RBFOX1: variants seen among roughly 807,000 people sequenced by gnomAD.
RBFOX1 encodes RNA binding protein fox-1 homolog 1.
RBFOX1 carries 8 observed loss-of-function variants against 57.7 expected under a neutral mutation model. The observed-to-expected ratio is 0.14, with a 90% confidence interval of 0.08 to 0.25. RBFOX1 has a LOEUF of 0.25. RBFOX1 is among the 10% of genes least tolerant of loss of function. The pLI is 1.00. For missense variants in RBFOX1, 611 were observed against 548.5 expected (o/e 1.11, Z -1.14); for synonymous variants, 326 against 222.4 (o/e 1.47, Z -4.15).
At chr16:7,230,428 C>G (rs559617999) in intron 4 of RBFOX1, among the ~76,000 whole-genome samples, 2 of 152,264 alleles carry the variant, frequency 1.3e-5, no homozygotes, top group East Asian at 3.9e-4. Flanking sequence ...CTGCCTGCCT[C>G]TAAATCCCAC....
At chr16:5,393,046 C>G (rs781550208) in intron 1 of RBFOX1, among the ~76,000 whole-genome samples, 8 of 152,076 alleles carry the variant, frequency 5.3e-5, no homozygotes, top group Non-Finnish European at 1.0e-4. Flanking sequence ...AAAAGACCTC[C>G]GAGCATGGGA....
intron 3 of RBFOX1, among the ~76,000 whole-genome samples, chr16:7,007,617 A>C (rs66469366): frequency 6.6e-6 from 1 of 152,086 alleles, no homozygotes; most frequent in Non-Finnish European, 1.5e-5. Context: ...TGTTTTAGTC[A>C]TTCTTTCAAT....
intron 3 of RBFOX1, among the ~76,000 whole-genome samples, chr16:7,030,255 A>T (rs1271136774): frequency 6.6e-6 from 1 of 152,162 alleles, no homozygotes; most frequent in Non-Finnish European, 1.5e-5. Context: ...GATGGAGTGG[A>T]GTGCCTCTGT....
At chr16:5,417,422 C>T (rs921813882) in intron 1 of RBFOX1, among the ~76,000 whole-genome samples, 23 of 152,278 alleles carry the variant, frequency 1.5e-4, no homozygotes, top group African/African-American at 5.5e-4. Context: ...GAGTAGAAAG[C>T]ACATTTCTGC....
At chr16:7,061,600 T>C (rs983594877) in intron 4 of RBFOX1, among the ~76,000 whole-genome samples, 6 of 152,210 alleles carry the variant, frequency 3.9e-5, no homozygotes, top group African/African-American at 1.4e-4. Context: ...TTAGGATATT[T>C]GGCCTAATAT....
At chr16:5,772,631 C>T (rs1008304196) in intron 3 of RBFOX1, among the ~76,000 whole-genome samples, 7 of 152,040 alleles carry the variant, frequency 4.6e-5, no homozygotes, top group African/African-American at 7.2e-5. Context: ...AGGATGGTGG[C>T]GGTGATCTAT....
chr16:5,940,970 C>T (rs1273944057), intron 4 of RBFOX1, among the ~76,000 whole-genome samples: 1 of 152,158 alleles, frequency 6.6e-6, no homozygotes, highest in Non-Finnish European at 1.5e-5. Context: ...ATTGAATGAC[C>T]TTCTGAGTCT....
At position 6,988,312 on chromosome 16, in the gene RBFOX1, T is replaced by A. The variant is rs138640642; in HGVS notation, c.-15-63745T>A. On this transcript the variant is annotated intron_variant, in intron 3 of 15. Transcript: ENST00000550418. Reference sequence around the variant, plus strand: ...TAGAGCAGTGTAGTCTATTGGAGTTTCCTGTGATGATGAAAGTGTTTATAA... The same window carrying A: ...TAGAGCAGTGTAGTCTATTGGAGTTACCTGTGATGATGAAAGTGTTTATAA... Among the ~76,000 whole-genome samples the A allele has an allele frequency of 4.1e-3, 630 of 152,266 alleles. 4 individuals are homozygous for A. The highest frequency in any genetic ancestry group is 7.7e-3 in the Non-Finnish European group (526 of 68,006).
At chr16:5,569,844 T>C (rs1046794620) in intron 2 of RBFOX1, among the ~76,000 whole-genome samples, 1 of 152,136 alleles carries the variant, frequency 6.6e-6, no homozygotes, top group Admixed American at 6.5e-5. Context: ...TCTTCCTCTT[T>C]GGATAGTTTA....
intron 4 of RBFOX1, among the ~76,000 whole-genome samples, chr16:7,320,796 T>C (rs946756749): frequency 2.6e-5 from 4 of 152,240 alleles, no homozygotes; most frequent in African/African-American, 9.6e-5. Flanking sequence ...ATTTTAAGTA[T>C]GTGGTTATAT....
chr16:6,782,463 T>C (rs2081192809), intron 3 of RBFOX1, among the ~76,000 whole-genome samples: 3 of 152,174 alleles, frequency 2.0e-5, no homozygotes, highest in Middle Eastern at 3.2e-3. Flanking sequence ...CCAGAGTTCC[T>C]CTTATTGATC....
chr16:6,238,250 G>A (rs769806579), intron 1 of RBFOX1, among the ~76,000 whole-genome samples: 12 of 152,092 alleles, frequency 7.9e-5, no homozygotes, highest in South Asian at 4.1e-4. Flanking sequence ...GTATGGCCAG[G>A]CATATTATAA....
intron 2 of RBFOX1, among the ~76,000 whole-genome samples, chr16:6,510,112 C>G (rs1454124235): frequency 3.3e-5 from 5 of 152,136 alleles, no homozygotes; most frequent in Admixed American, 2.0e-4. Context: ...GTAACTTCCT[C>G]TATCCTGAGC....
intron 4 of RBFOX1, among the ~76,000 whole-genome samples, chr16:7,082,044 C>T (rs1427768643): frequency 6.6e-6 from 1 of 152,194 alleles, no homozygotes; most frequent in Non-Finnish European, 1.5e-5. Context: ...CTCCCATCCT[C>T]TCTGGTTCAT....
rs567347339 is a variant in RBFOX1 at position 5,502,001 on chromosome 16, G to A, written c.258+34747G>A. On this transcript the variant is annotated intron_variant, in intron 2 of 2. Transcript: ENST00000585867. ...GCCTCCCAAAGTGCTGGGATTACAGGCATGAGCCACCATGCCCAGCTCACT... is the reference window on the plus strand; with the variant it reads ...GCCTCCCAAAGTGCTGGGATTACAGACATGAGCCACCATGCCCAGCTCACT... 5.9e-5 allele frequency among the ~76,000 whole-genome samples: 9 copies of A among 152,048 alleles called. No individual in the cohort carries two copies. In the East Asian group the frequency reaches 1.4e-3, roughly 23 times the overall value.
intron 4 of RBFOX1, among the ~76,000 whole-genome samples, chr16:7,308,772 G>T (rs921988903): frequency 1.3e-5 from 2 of 152,212 alleles, no homozygotes; most frequent in African/African-American, 4.8e-5. Context: ...CTCGCGCGAA[G>T]GCTGCAGGCG....
intron 1 of RBFOX1, among the ~76,000 whole-genome samples, chr16:5,349,529 C>T (rs560364239): frequency 6.6e-6 from 1 of 152,130 alleles, no homozygotes; most frequent in Admixed American, 6.5e-5. Flanking sequence ...AAAAATTAGC[C>T]GGGCGTGGTG....
chr16:5,562,828 AC>A (rs2151110920), intron 2 of RBFOX1, among the ~76,000 whole-genome samples: 1 of 152,250 alleles, frequency 6.6e-6, no homozygotes, highest in South Asian at 2.1e-4. Context: ...AAGAGGAACT[AC>A]CTTTAGGCAA....
intron 2 of RBFOX1, among the ~76,000 whole-genome samples, chr16:5,503,948 C>A (rs910300943): frequency 6.6e-6 from 1 of 152,180 alleles, no homozygotes; most frequent in African/African-American, 2.4e-5. Context: ...AAATAGCCTC[C>A]TTTCTTCTTT....
Sources: gnomAD v4.1 joint callset for allele counts (sites outside exome capture counted in the v4.1 genomes callset) on GRCh38, gnomAD v4.1.1 for gene constraint, MANE v1.5 for transcripts, NCBI Gene and HGNC (gene_info 2026-07-23, HGNC 2026-07-21) for gene names.